TUSC3: variants seen among roughly 807,000 people sequenced by gnomAD.
TUSC3 encodes tumor suppressor candidate 3.
Under a neutral mutation model 44.8 loss-of-function variants are expected in TUSC3, and 45 were observed. That is an observed-to-expected ratio of 1.00 (90% CI 0.79 to 1.29). The LOEUF (loss-of-function observed/expected upper bound fraction) is 1.29. Among genes scored for constraint, TUSC3 ranks in the 50% most tolerant of loss-of-function variants. TUSC3 has a pLI of 0.00. For missense variants in TUSC3, 519 were observed against 437.9 expected, an observed-to-expected ratio of 1.19 and a Z score of -1.65; for synonymous variants, 212 against 152.9, an observed-to-expected ratio of 1.39 and a Z score of -2.85.
the TUSC3 span, among the ~76,000 whole-genome samples, chr8:15,815,945 G>A: frequency 3.9e-5 from 6 of 152,154 alleles, no homozygotes; most frequent in African/African-American, 1.4e-4. Flanking sequence ...GGGCCCATAA[G>A]TAGCAATTAA....
At chr8:15,851,022 G>A in the TUSC3 span, among the ~76,000 whole-genome samples, 13,126 of 152,184 alleles carry the variant, frequency 0.086, 673 homozygotes, top group Middle Eastern at 0.2. Context: ...GGAATGGTAG[G>A]TTTGCTGATT....
intron 1 of TUSC3, among the ~76,000 whole-genome samples, chr8:15,453,828 C>T (rs1286745516): frequency 6.6e-6 from 1 of 152,052 alleles, no homozygotes; most frequent in Non-Finnish European, 1.5e-5. Flanking sequence ...GGTTAACTGT[C>T]TCTCTAAAAT....
At chr8:15,481,796 G>A (rs993682470) in intron 1 of TUSC3, among the ~76,000 whole-genome samples, 5 of 152,148 alleles carry the variant, frequency 3.3e-5, no homozygotes, top group Non-Finnish European at 5.9e-5. Flanking sequence ...TTTTGCCGGC[G>A]GAGGGTCTGG....
chr8:15,777,451 C>T, the TUSC3 span, among the ~76,000 whole-genome samples: 1 of 152,120 alleles, frequency 6.6e-6, no homozygotes, highest in Admixed American at 6.6e-5. Context: ...AAAATATATA[C>T]ATCCCCATGT....
chr8:15,660,738 T>A (rs1807384764), intron 4 of TUSC3, among the ~76,000 whole-genome samples: 1 of 151,886 alleles, frequency 6.6e-6, no homozygotes, highest in African/African-American at 2.4e-5. Flanking sequence ...TTTAATGTTT[T>A]GGCAAATATT....
At chr8:15,814,002 G>A in the TUSC3 span, among the ~76,000 whole-genome samples, 2 of 152,292 alleles carry the variant, frequency 1.3e-5, no homozygotes, top group South Asian at 4.1e-4. Context: ...CTGGGTAATT[G>A]TGAGGACTAA....
At chr8:15,673,060 G>A (rs575799012) in intron 5 of TUSC3, among the ~76,000 whole-genome samples, 1 of 152,056 alleles carries the variant, frequency 6.6e-6, no homozygotes, top group Non-Finnish European at 1.5e-5. Flanking sequence ...TGACACCTCA[G>A]TTATACTGAT....
At chr8:15,440,751 A>C (rs1800010576) in intron 1 of TUSC3, among the ~76,000 whole-genome samples, 1 of 152,178 alleles carries the variant, frequency 6.6e-6, no homozygotes, top group Non-Finnish European at 1.5e-5. Context: ...ATTCTTCAGG[A>C]AACTATGTCT....
the TUSC3 span, among the ~76,000 whole-genome samples, chr8:15,816,807 G>A: frequency 6.6e-6 from 1 of 152,168 alleles, no homozygotes; most frequent in Non-Finnish European, 1.5e-5. Context: ...ATGATACAAT[G>A]TAAGTAACTT....
Position 15,540,413 on chromosome 8 carries a change from A to C in TUSC3, c.-18A>C. The C allele has an allele frequency of 1.9e-6, 3 of 1,562,102 alleles. No individual in the cohort carries two copies. Among genetic ancestry groups the C allele is most frequent in the Middle Eastern group, 2.0e-4 (1 of 4,950 alleles). ...CGCGCACGGCTACCGCGCGTGGAGG[A>C]GACACTGCCCTGCCGCGATGGGGGC... is the stretch of plus-strand genomic sequence containing the variant. On this transcript the variant is annotated 5_prime_UTR_variant, in exon 1 of 11. Coordinates refer to ENST00000503731, the MANE Select transcript of TUSC3 (RefSeq NM_006765.4).
chr8:15,797,967 C>G, the TUSC3 span, among the ~76,000 whole-genome samples: 1 of 152,084 alleles, frequency 6.6e-6, no homozygotes, highest in African/African-American at 2.4e-5. Flanking sequence ...TCTTACTATT[C>G]TTTCTACCTT....
chr8:15,552,449 A>G (rs1176251488), intron 1 of TUSC3, among the ~76,000 whole-genome samples: 2 of 151,810 alleles, frequency 1.3e-5, no homozygotes, highest in African/African-American at 4.8e-5. Context: ...ATAATGTAAT[A>G]TAAGAAGTCA....
chr8:15,700,739 T>G (rs1185390748), intron 6 of TUSC3, among the ~76,000 whole-genome samples: 1 of 152,028 alleles, frequency 6.6e-6, no homozygotes, highest in Non-Finnish European at 1.5e-5. Context: ...TGGTGTTGGG[T>G]ACCTAAGAAA....
Position 15,597,976 on chromosome 8 carries a change from A to G in TUSC3, c.139-25104A>G, listed in dbSNP as rs145923859. Among the ~76,000 whole-genome samples the G allele has an allele frequency of 4.9e-3, 745 of 152,168 alleles. 5 individuals carry two copies. Among genetic ancestry groups the G allele is most frequent in the Admixed American group, 8.1e-3 (124 of 15,246 alleles). ...ATATTTACACGCATGCACACACAACACTTATTCTGTGTCCTAGCGTTGATA... is the reference window on the plus strand; with the variant it reads ...ATATTTACACGCATGCACACACAACGCTTATTCTGTGTCCTAGCGTTGATA... On this transcript the variant is annotated intron_variant, in intron 1 of 10. Coordinates refer to ENST00000503731, the MANE Select transcript of TUSC3 (RefSeq NM_006765.4).
At chr8:15,487,629 T>C (rs1291222313) in intron 2 of TUSC3, among the ~76,000 whole-genome samples, 1 of 152,220 alleles carries the variant, frequency 6.6e-6, no homozygotes, top group Non-Finnish European at 1.5e-5. Context: ...TTCTCAATCT[T>C]TCTTTTAGCT....
At chr8:15,538,792 A>T (rs560198346), upstream of TUSC3, among the ~76,000 whole-genome samples, 9 of 152,086 alleles carry the variant, frequency 5.9e-5, no homozygotes, top group Non-Finnish European at 1.3e-4. Flanking sequence ...GTTGTTGCAG[A>T]TATCTTGAAC....
At chr8:15,477,553 T>A (rs1050999401) in intron 1 of TUSC3, among the ~76,000 whole-genome samples, 1 of 152,050 alleles carries the variant, frequency 6.6e-6, no homozygotes, top group Non-Finnish European at 1.5e-5. Flanking sequence ...AAATCCCGTC[T>A]CTACTAAAAA....
chr8:15,767,727 C>T (rs1022453489), downstream of TUSC3, among the ~76,000 whole-genome samples: 7 of 152,160 alleles, frequency 4.6e-5, no homozygotes, highest in South Asian at 2.1e-4. Context: ...GTCTTGCCTT[C>T]GGTTGACGTA....
intron 2 of TUSC3, among the ~76,000 whole-genome samples, chr8:15,636,652 G>A (rs1329210563): frequency 6.6e-6 from 1 of 152,178 alleles, no homozygotes; most frequent in Non-Finnish European, 1.5e-5. Context: ...CAAAGATACG[G>A]GGTGTGGTTT....
Sources: allele counts gnomAD v4.1 joint callset (sites outside exome capture counted in the v4.1 genomes callset), GRCh38; gene constraint gnomAD v4.1.1; transcripts MANE v1.5; gene names NCBI Gene and HGNC (gene_info 2026-07-23, HGNC 2026-07-21).